Variants in CFHR5 observed in about 807,000 individuals in gnomAD.
CFHR5 encodes the protein complement factor H-related protein 5.
A neutral mutation model predicts 62.9 loss-of-function variants in CFHR5; 73 were observed. The observed-to-expected ratio is 1.16, with a 90% CI of 0.96 to 1.41. CFHR5 has a LOEUF of 1.41. Among genes scored for constraint, CFHR5 ranks in the 40% most tolerant of loss-of-function variants. The pLI, the probability that CFHR5 is intolerant of heterozygous loss-of-function variation, is 0.00. For synonymous variants in CFHR5, 249 were observed against 227.2 expected, an observed-to-expected ratio of 1.10 and a Z score of -0.86; for missense variants, 779 against 679.9, an observed-to-expected ratio of 1.15 and a Z score of -1.62.
At chr1:196,989,675 C>T (rs1015078003) in intron 3 of CFHR5, among the ~76,000 whole-genome samples, 41 of 152,034 alleles carry the variant, frequency 2.7e-4, no homozygotes, top group African/African-American at 7.3e-4. Context: ...TGTAGTGGTG[C>T]GGTTTTGAGT....
intron 7 of CFHR5, among the ~76,000 whole-genome samples, chr1:197,002,231 C>T (rs1451881569): frequency 6.6e-6 from 1 of 151,862 alleles, no homozygotes; most frequent in Non-Finnish European, 1.5e-5. Flanking sequence ...ATAGGAGATA[C>T]AAGAGAGCAT....
At chr1:196,994,480 T>C (rs182349391) in intron 4 of CFHR5, among the ~76,000 whole-genome samples, 138 of 152,330 alleles carry the variant, frequency 9.1e-4, no homozygotes, top group Non-Finnish European at 1.5e-3. Context: ...TAGGATTTTA[T>C]AGGTCAAAAT....
At chr1:196,975,460 T>C (rs970892019), upstream of CFHR5, among the ~76,000 whole-genome samples, 2 of 152,114 alleles carry the variant, frequency 1.3e-5, no homozygotes, top group Admixed American at 6.5e-5. Flanking sequence ...GAAGGAATAA[T>C]TGAAAGAGCA....
chr1:197,008,581 T>C lies in CFHR5; in HGVS notation c.1608T>C (p.Ala536=). The C allele has an allele frequency of 6.2e-7, 1 of 1,613,628 alleles. No individual in the cohort carries two copies. Among genetic ancestry groups the C allele is most frequent in the Non-Finnish European group, 8.5e-7 (1 of 1,179,602 alleles). The part of the protein sequence containing the change: ...DGKLYAKTGD[A]VEFQCKFPHK... The stretch of plus-strand genomic sequence containing the variant: ...AACTCTATGCAAAAACAGGGGATGC[T>C]GTTGAATTCCAGTGTAAATTCCCAC... Residue 536 remains alanine (A), a synonymous_variant, in exon 10 of 10, where the codon GCT becomes GCC. Coordinates refer to ENST00000256785, the MANE Select transcript of CFHR5 (RefSeq NM_030787.4).
At position 197,008,470 on chromosome 1, in the gene CFHR5, A is replaced by C. The variant is rs200399084; in HGVS notation, c.1514-17A>C. The C allele has an allele frequency of 6.9e-7, 1 of 1,453,834 alleles. No homozygotes were observed. The highest frequency in any genetic ancestry group is 2.4e-5 in the East Asian group (1 of 41,680). The allele number at this position is 1,453,834 out of a possible 1,614,324, so 90.1% of individuals were successfully genotyped here. On this transcript the variant is annotated splice_polypyrimidine_tract_variant and intron_variant, in intron 9 of 9. Coordinates refer to ENST00000256785, the MANE Select transcript of CFHR5 (RefSeq NM_030787.4). ...TATTATTATTTATTTATTTTATTTT[A>C]CCATTTCTTCTTTCAGATCCATGTG...
Position 197,008,735 on chromosome 1 carries a change from A to G in CFHR5, c.*52A>G, listed in dbSNP as rs769505570. ...TCTTCAAACATCCATCTATGCTAAA[A>G]GTAGCCATTATGTAGCCAATTCTGT... On this transcript the variant is annotated 3_prime_UTR_variant, in exon 10 of 10. Coordinates refer to ENST00000256785, the MANE Select transcript of CFHR5 (RefSeq NM_030787.4). 1 of 1,454,774 alleles carries G rather than the reference A, an allele frequency of 6.9e-7. No homozygotes were observed. The highest frequency in any genetic ancestry group is 9.7e-7 in the Non-Finnish European group (1 of 1,036,114). 90.1% of individuals were successfully genotyped at this position (1,454,774 alleles called of 1,614,324 possible).
Position 196,977,763 on chromosome 1 carries a change from A to G in CFHR5, c.58+41A>G, listed in dbSNP as rs984949244. ...ATCCGAATATTTTAGTTCCTTTTCA[A>G]ATGTATTTATTGATTGTGTGTGTGT... On this transcript the variant is annotated intron_variant, in intron 1 of 9. Coordinates refer to ENST00000256785, the MANE Select transcript of CFHR5 (RefSeq NM_030787.4). 9 of 1,455,234 alleles carry G rather than the reference A, an allele frequency of 6.2e-6. No homozygotes were observed. The Admixed American group carries it at 6.7e-5, about 11-fold the overall frequency. 90.1% of individuals were successfully genotyped at this position (1,455,234 alleles called of 1,614,324 possible).
intron 8 of CFHR5, 49 bp downstream of exon 8, chr1:197,002,713 C>G: frequency 6.9e-7 from 1 of 1,450,502 alleles, no homozygotes; most frequent in Non-Finnish European, 9.6e-7. Flanking sequence ...GGTTATTAAT[C>G]CCCTTTGCTT....
chr1:196,992,273 G>T (rs1042840399), intron 3 of CFHR5, among the ~76,000 whole-genome samples: 3 of 152,146 alleles, frequency 2.0e-5, no homozygotes, highest in Non-Finnish European at 4.4e-5. Context: ...TGCAGTATTT[G>T]TGTGTGAGTG....
chr1:196,983,787 T>C lies in CFHR5; in HGVS notation c.254-174T>C, dbSNP rs147756007. Among the ~76,000 whole-genome samples, 855 of 152,282 alleles carry C rather than the reference T, an allele frequency of 5.6e-3. 19 individuals are homozygous for C. The highest frequency in any genetic ancestry group is 6.1e-3 in the Non-Finnish European group (417 of 68,024). ...TGAAATATTAACTTTCGTATATATA[T>C]ATATAGGAACAAAAAATATATTTCA... On this transcript the variant is annotated intron_variant, in intron 2 of 9. Transcript: ENST00000256785.
At chr1:196,993,345 A>C (rs2125033029) in intron 3 of CFHR5, among the ~76,000 whole-genome samples, 1 of 152,154 alleles carries the variant, frequency 6.6e-6, no homozygotes, top group Non-Finnish European at 1.5e-5. Flanking sequence ...CCCAGGCTGG[A>C]GTGTAGTGGT....
intron 8 of CFHR5, 102 bp from the exon 9 acceptor site, chr1:197,004,559 A>C: frequency 1.1e-6 from 1 of 937,820 alleles, no homozygotes; most frequent in Non-Finnish European, 1.7e-6. Context: ...TAATTATTTG[A>C]ATTTCCAGAC....
At position 196,995,856 on chromosome 1, in the gene CFHR5, A is replaced by G. The variant is rs1369599814; in HGVS notation, c.747A>G (p.Ile249Met). The G allele has an allele frequency of 6.2e-7, 1 of 1,613,490 alleles. No homozygotes were observed. Among genetic ancestry groups the G allele is most frequent in the Non-Finnish European group, 8.5e-7 (1 of 1,179,528 alleles). The change falls in exon 5 of 10, where the codon ATA becomes ATG. Residue 249 changes from isoleucine to methionine, a missense_variant. By Grantham distance (10) the Ile-to-Met change is conservative (BLOSUM62 1). Transcript: ENST00000256785. ...PNFIINGPKK[I>M]QCVDGEWTTL... ...TTATAATAAACGGGCCTAAGAAAAT[A>G]CAATGTGTGGATGGAGAATGGACAA... is the stretch of plus-strand genomic sequence containing the variant.
chr1:196,998,729 T>C (rs1470115915), intron 7 of CFHR5, among the ~76,000 whole-genome samples: 1 of 152,028 alleles, frequency 6.6e-6, no homozygotes, highest in Non-Finnish European at 1.5e-5. Context: ...GAGTAATCAA[T>C]TATTTCCCTA....
At chr1:197,007,418 CAT>C (rs1353258049) in intron 9 of CFHR5, among the ~76,000 whole-genome samples, 2 of 151,734 alleles carry the variant, frequency 1.3e-5, no homozygotes, top group East Asian at 1.9e-4. Context: ...AAATGAAAAA[CAT>C]ATGGCAAACA....
intron 3 of CFHR5, among the ~76,000 whole-genome samples, chr1:196,984,799 C>T (rs746996168): frequency 5.3e-5 from 8 of 152,182 alleles, no homozygotes; most frequent in Non-Finnish European, 1.2e-4. Context: ...TCTTTCTCTT[C>T]ATACCACTTT....
At position 196,998,205 on chromosome 1, in the gene CFHR5, A is replaced by C; in HGVS notation, c.1048A>C (p.Asn350His). ...TLLKLSGKEFNHNSRIRYRCS... is the reference protein window; with the variant it reads ...TLLKLSGKEFHHNSRIRYRCS... ...ACTCAAGCTATCTGGGAAAGAATTT[A>C]ATCATAATTCTAGAATACGTTACAG... Residue 350 changes from asparagine (N) to histidine (H), a missense_variant, in exon 7 of 10, where the codon AAT becomes CAT. Coordinates refer to ENST00000256785, the MANE Select transcript of CFHR5 (RefSeq NM_030787.4). 1 of 1,604,536 alleles carries C rather than the reference A, an allele frequency of 6.2e-7. No individual in the cohort carries two copies. Among genetic ancestry groups the C allele is most frequent in the Non-Finnish European group, 8.5e-7 (1 of 1,173,472 alleles).
chr1:196,976,928 C>A (rs1246856130), upstream of CFHR5, among the ~76,000 whole-genome samples: 2 of 151,458 alleles, frequency 1.3e-5, no homozygotes, highest in African/African-American at 4.9e-5. Context: ...CCTCAGCCTC[C>A]CGAGTAGCTG....
chr1:196,994,431 T>C (rs539956837), intron 4 of CFHR5, among the ~76,000 whole-genome samples, 175 bp downstream of exon 4: 1 of 152,210 alleles, frequency 6.6e-6, no homozygotes. Flanking sequence ...GTGTCCGTAA[T>C]CAAGGAGTAA....
Sources: gnomAD v4.1 joint callset for allele counts (sites outside exome capture counted in the v4.1 genomes callset) on GRCh38, gnomAD v4.1.1 for gene constraint, MANE v1.5 for transcripts, NCBI Gene and HGNC (gene_info 2026-07-23, HGNC 2026-07-21) for gene names.